Variants in TRPM7 observed in about 807,000 individuals in gnomAD.
The protein encoded by TRPM7 is transient receptor potential cation channel subfamily M member 7.
A neutral mutation model predicts 229.7 loss-of-function variants in TRPM7; 134 were observed. The observed-to-expected ratio is 0.58, with a 90% CI of 0.51 to 0.67. The LOEUF is 0.67. TRPM7 is among the 30% of genes least tolerant of loss of function. The probability of loss-of-function intolerance (pLI) is 0.00; values close to 1 mark genes in which losing one functional copy is unlikely to be tolerated. For synonymous variants in TRPM7, 699 were observed against 715.2 expected (o/e 0.98, Z 0.36); for missense variants, 1,901 against 2,210.0 (o/e 0.86, Z 2.80).
At chr15:50,662,020 C>T (rs369386912) in intron 2 of TRPM7, among the ~76,000 whole-genome samples, 1 of 151,910 alleles carries the variant, frequency 6.6e-6, no homozygotes. Flanking sequence ...GGGTTCAAGA[C>T]CAGCCTGGCC....
chr15:50,558,776 C>G lies in TRPM7; in HGVS notation c.*2902G>C, dbSNP rs965423906. ...CGTGTGGTGGTGCATGCCTGTGGTT[C>G]CACCTAATCAAGAGGCAGTGGCAGG... On this transcript the variant is annotated 3_prime_UTR_variant, in exon 39 of 39. Coordinates refer to ENST00000646667, the MANE Select transcript of TRPM7 (RefSeq NM_017672.6). 1 of 151,990 alleles carries G rather than the reference C, an allele frequency of 6.6e-6. No individual in the cohort carries two copies. Among genetic ancestry groups the G allele is most frequent in the Non-Finnish European group, 1.5e-5 (1 of 68,038 alleles). The allele number at this position is 151,990 out of a possible 1,614,324, so 9.4% of individuals were successfully genotyped here.
intron 12 of TRPM7, among the ~76,000 whole-genome samples, chr15:50,620,683 C>A (rs1290851906): frequency 1.3e-5 from 2 of 152,164 alleles, no homozygotes; most frequent in Non-Finnish European, 2.9e-5. Flanking sequence ...ATAATCCCAG[C>A]ACTTTGGGAG....
intron 23 of TRPM7, among the ~76,000 whole-genome samples, chr15:50,595,081 T>C (rs1435064119): frequency 6.6e-6 from 1 of 152,022 alleles, no homozygotes; most frequent in African/African-American, 2.4e-5. Context: ...TGTATGCCTA[T>C]AGTCCCAGCT....
chr15:50,567,039 A>C lies in TRPM7; in HGVS notation c.5467+2848T>G, dbSNP rs563460738. On this transcript the variant is annotated intron_variant, in intron 38 of 38. Coordinates refer to ENST00000646667, the MANE Select transcript of TRPM7 (RefSeq NM_017672.6). ...TAACTTTATGCCCCCAAATTTGACAATTAAAAAAAAAAATGGACCAATTCC... is the reference window on the plus strand; with the variant it reads ...TAACTTTATGCCCCCAAATTTGACACTTAAAAAAAAAAATGGACCAATTCC... 4.6e-4 allele frequency among the ~76,000 whole-genome samples: 69 copies of C among 150,208 alleles called. 1 individual carries two copies. The South Asian group carries it at 0.013, about 29-fold the overall frequency.
chr15:50,633,902 A>G (rs902256740), intron 8 of TRPM7, among the ~76,000 whole-genome samples: 6 of 152,234 alleles, frequency 3.9e-5, no homozygotes, highest in Admixed American at 3.9e-4. Flanking sequence ...CCAATAACAT[A>G]TGAGTCAGGC....
chr15:50,590,006 T>TG (rs1483591157), intron 26 of TRPM7, among the ~76,000 whole-genome samples: 1 of 152,052 alleles, frequency 6.6e-6, no homozygotes, highest in African/African-American at 2.4e-5. Context: ...TACAGGCACG[T>TG]GCCACCATGC....
At chr15:50,653,909 G>C (rs2061490136) in intron 3 of TRPM7, among the ~76,000 whole-genome samples, 1 of 152,060 alleles carries the variant, frequency 6.6e-6, no homozygotes, top group African/African-American at 2.4e-5. Flanking sequence ...AGCAGTTTTA[G>C]TTCAGCGTGA....
Position 50,639,408 on chromosome 15 carries a change from T to A in TRPM7, c.660+16A>T. The A allele has an allele frequency of 6.4e-7, 1 of 1,556,280 alleles. No homozygotes were observed. Among genetic ancestry groups the A allele is most frequent in the East Asian group, 2.3e-5 (1 of 43,884 alleles). ...ATATAATTTCAAACATAAGAAATTTTAAAAATAATTCTTACATCTCTCCCA... is the reference window on the plus strand; with the variant it reads ...ATATAATTTCAAACATAAGAAATTTAAAAAATAATTCTTACATCTCTCCCA... On this transcript the variant is annotated intron_variant, in intron 6 of 38. Transcript: ENST00000646667.
chr15:50,574,495 TATAA>T lies in TRPM7; in HGVS notation c.5103-20_5103-17del. On this transcript the variant is annotated splice_polypyrimidine_tract_variant and intron_variant, in intron 35 of 38. Coordinates refer to ENST00000646667, the MANE Select transcript of TRPM7 (RefSeq NM_017672.6). ...TTCAAGGAACCTTATAAAAAATAGT[TATAA>T]ATATTACTAGCAGTTTTGTTAATAA... 6.3e-7 allele frequency: 1 copy of T among 1,590,862 alleles called. No individual in the cohort carries two copies.
At chr15:50,586,779 G>A (rs538282744) in intron 27 of TRPM7, among the ~76,000 whole-genome samples, 82 of 152,270 alleles carry the variant, frequency 5.4e-4, no homozygotes, top group African/African-American at 1.9e-3. Flanking sequence ...AGCACTTTGG[G>A]AGGTCGAGGC....
intron 31 of TRPM7, 65 bp from the exon 32 acceptor site, chr15:50,575,984 G>T: frequency 1.4e-6 from 2 of 1,477,984 alleles, no homozygotes; most frequent in Middle Eastern, 2.2e-4. Context: ...ATTTTAACCC[G>T]GATAATCTCA....
chr15:50,589,666 A>G lies in TRPM7; in HGVS notation c.4325-10T>C. On this transcript the variant is annotated splice_polypyrimidine_tract_variant and intron_variant, in intron 26 of 38. Coordinates refer to ENST00000646667, the MANE Select transcript of TRPM7 (RefSeq NM_017672.6). Reference sequence around the variant, plus strand: ...ATGCTATCTCTGTGTCCTTTAATAGAAAAAAAGATGTTGCAATGAGAAATT... The same window carrying G: ...ATGCTATCTCTGTGTCCTTTAATAGGAAAAAAGATGTTGCAATGAGAAATT... The G allele has an allele frequency of 6.4e-7, 1 of 1,559,050 alleles. No individual in the cohort carries two copies. The highest frequency in any genetic ancestry group is 1.2e-5 in the South Asian group (1 of 84,670).
At position 50,639,577 on chromosome 15, in the gene TRPM7, GTTTT is replaced by G. The variant is rs763482347; in HGVS notation, c.536-33_536-30del. 12 of 1,593,744 alleles carry G rather than the reference GTTTT, an allele frequency of 7.5e-6. No individual in the cohort carries two copies. The African/African-American group carries it at 1.2e-4, about 16-fold the overall frequency. On this transcript the variant is annotated intron_variant, in intron 5 of 38. Transcript: ENST00000646667. ...TTCATAAAAAAAGTTTATTCATTTT[GTTTT>G]TTTTATTTTCTTAAAGACAGGGTCA...
At chr15:50,606,443 G>C (rs2059922306) in intron 20 of TRPM7, among the ~76,000 whole-genome samples, 1 of 151,980 alleles carries the variant, frequency 6.6e-6, no homozygotes, top group Non-Finnish European at 1.5e-5. Flanking sequence ...CAAAAACAAA[G>C]TATAAATATT....
At chr15:50,638,737 A>G (rs750606120) in intron 6 of TRPM7, among the ~76,000 whole-genome samples, 14 of 142,224 alleles carry the variant, frequency 9.8e-5, no homozygotes, top group Non-Finnish European at 1.8e-4. Context: ...CTAGGCTGGA[A>G]TGCAGTGGCT....
intron 3 of TRPM7, among the ~76,000 whole-genome samples, chr15:50,651,256 A>G (rs982944498): frequency 6.6e-6 from 1 of 152,228 alleles, no homozygotes; most frequent in East Asian, 1.9e-4. Context: ...TATCAATAAA[A>G]TAAAATCACT....
At chr15:50,649,623 T>C (rs1034135628) in intron 3 of TRPM7, among the ~76,000 whole-genome samples, 1 of 152,106 alleles carries the variant, frequency 6.6e-6, no homozygotes, top group Non-Finnish European at 1.5e-5. Flanking sequence ...AACCGTGAAC[T>C]AATCTATATA....
At chr15:50,672,272 G>C (rs7170740) in intron 1 of TRPM7, among the ~76,000 whole-genome samples, 81,846 of 151,638 alleles carry the variant, frequency 0.54, 22,293 homozygotes, top group Admixed American at 0.62. Context: ...AGGATGTTCT[G>C]GATCTCCTGA....
At chr15:50,622,957 G>A (rs2060452833) in intron 12 of TRPM7, among the ~76,000 whole-genome samples, 1 of 152,122 alleles carries the variant, frequency 6.6e-6, no homozygotes, top group Non-Finnish European at 1.5e-5. Flanking sequence ...CAAAGGGAAA[G>A]ACATAATAAT....
Sources: allele counts gnomAD v4.1 joint callset (sites outside exome capture counted in the v4.1 genomes callset), GRCh38; gene constraint gnomAD v4.1.1; transcripts MANE v1.5; gene names NCBI Gene and HGNC (gene_info 2026-07-23, HGNC 2026-07-21).